The following COL22A1 variants were observed in gnomAD, a reference collection of about 807,000 sequenced individuals.
COL22A1 encodes collagen alpha-1(XXII) chain.
Under a neutral mutation model 248.9 loss-of-function variants are expected in COL22A1, and 221 were observed. The observed-to-expected ratio is 0.89, with a 90% CI of 0.80 to 0.99. The LOEUF is 0.99. COL22A1 is among the 50% of genes least tolerant of loss of function. COL22A1 has a pLI of 0.00. For synonymous variants in COL22A1, 891 were observed against 793.4 expected (o/e 1.12, Z -2.07); for missense variants, 2,240 against 2,179.0 (o/e 1.03, Z -0.56).
At chr8:138,700,811 A>T (rs534833855) in intron 31 of COL22A1, among the ~76,000 whole-genome samples, 14 of 152,028 alleles carry the variant, frequency 9.2e-5, no homozygotes, top group Non-Finnish European at 2.1e-4. Flanking sequence ...GGTGAAACCC[A>T]GTCTCTACTA....
intron 12 of COL22A1, among the ~76,000 whole-genome samples, chr8:138,796,056 G>C (rs1816489246): frequency 6.6e-6 from 1 of 152,140 alleles, no homozygotes; most frequent in African/African-American, 2.4e-5. Flanking sequence ...GCCTCTCCAA[G>C]AAAACGATAA....
chr8:138,720,672 C>A, intron 27 of COL22A1, 67 bp downstream of exon 27: 1 of 1,302,080 alleles, frequency 7.7e-7, no homozygotes, highest in South Asian at 1.2e-5. Flanking sequence ...AGTCGAGATT[C>A]ACACACCACC....
chr8:138,691,965 C>G (rs56651414), intron 35 of COL22A1, among the ~76,000 whole-genome samples: 1 of 87,804 alleles, frequency 1.1e-5, no homozygotes, highest in Admixed American at 1.2e-4. Context: ...TGTGGAGGTG[C>G]ATGTGTGGAG....
At chr8:138,883,456 A>G (rs1288751410) in intron 1 of COL22A1, among the ~76,000 whole-genome samples, 1 of 152,150 alleles carries the variant, frequency 6.6e-6, no homozygotes, top group African/African-American at 2.4e-5. Context: ...CCCCCCAGCC[A>G]TCCAATTAGC....
At chr8:138,774,824 C>T (rs369711981) in intron 16 of COL22A1, among the ~76,000 whole-genome samples, 1 of 152,298 alleles carries the variant, frequency 6.6e-6, no homozygotes. Context: ...GCTGTGCAGT[C>T]ATTTAAAACA....
intron 41 of COL22A1, among the ~76,000 whole-genome samples, chr8:138,673,805 G>A (rs1440595648): frequency 6.6e-6 from 1 of 152,062 alleles, no homozygotes; most frequent in Non-Finnish European, 1.5e-5. Context: ...ACCTGCCCAG[G>A]GCTTTCTTTA....
At chr8:138,813,359 T>C (rs533062103) in intron 7 of COL22A1, among the ~76,000 whole-genome samples, 1 of 152,328 alleles carries the variant, frequency 6.6e-6, no homozygotes, top group South Asian at 2.1e-4. Flanking sequence ...TGGTAGTGAA[T>C]AAGTGTCACG....
chr8:138,691,968 G>GCGTGTGCATT (rs1827009692), intron 35 of COL22A1, among the ~76,000 whole-genome samples: 1 of 148,376 alleles, frequency 6.7e-6, no homozygotes, highest in African/African-American at 2.5e-5. Flanking sequence ...GGAGGTGCAT[G>GCGTGTGCATT]TGTGGAGGTG....
intron 3 of COL22A1, among the ~76,000 whole-genome samples, chr8:138,854,174 G>C (rs1821842676): frequency 6.6e-6 from 1 of 152,168 alleles, no homozygotes; most frequent in Non-Finnish European, 1.5e-5. Context: ...TGGGATGCTT[G>C]TGTTCTGTTG....
At chr8:138,720,036 A>G (rs1829750890) in intron 27 of COL22A1, among the ~76,000 whole-genome samples, 1 of 152,168 alleles carries the variant, frequency 6.6e-6, no homozygotes, top group Non-Finnish European at 1.5e-5. Flanking sequence ...GGCCCAGCAG[A>G]AAAGCCTCAC....
chr8:138,602,285 A>T, intron 59 of COL22A1, 126 bp from the exon 60 acceptor site: 834 of 754,918 alleles, frequency 1.1e-3, no homozygotes, highest in Non-Finnish European at 1.3e-3. Flanking sequence ...AGGTCCCCCG[A>T]GGGCTCCTTT....
At chr8:138,707,447 T>C (rs1018785774) in intron 30 of COL22A1, among the ~76,000 whole-genome samples, 30 of 152,312 alleles carry the variant, frequency 2.0e-4, no homozygotes, top group African/African-American at 7.0e-4. Flanking sequence ...CATGATCAAA[T>C]TGGCTTCATC....
chr8:138,864,628 C>T (rs1305303267), intron 3 of COL22A1, among the ~76,000 whole-genome samples: 1 of 152,216 alleles, frequency 6.6e-6, no homozygotes, highest in Non-Finnish European at 1.5e-5. Flanking sequence ...ACACTAAGTA[C>T]GTAAGCTTCC....
chr8:138,597,512 A>G (rs1239786756), intron 61 of COL22A1, among the ~76,000 whole-genome samples: 1 of 152,138 alleles, frequency 6.6e-6, no homozygotes, highest in Non-Finnish European at 1.5e-5. Context: ...TGGTCCACAG[A>G]AGCTGATGAG....
At chr8:138,639,266 T>C (rs373396460) in intron 47 of COL22A1, among the ~76,000 whole-genome samples, 1 of 152,224 alleles carries the variant, frequency 6.6e-6, no homozygotes, top group African/African-American at 2.4e-5. Context: ...GTCTGGAATC[T>C]AATCCAGATC....
intron 1 of COL22A1, among the ~76,000 whole-genome samples, chr8:138,912,613 G>A (rs903890591): frequency 1.3e-5 from 2 of 152,198 alleles, no homozygotes; most frequent in Non-Finnish European, 2.9e-5. Flanking sequence ...GGTAGCTCAT[G>A]CCTGTAATCC....
intron 16 of COL22A1, among the ~76,000 whole-genome samples, chr8:138,763,896 G>C (rs953260997): frequency 6.6e-6 from 1 of 151,820 alleles, no homozygotes; most frequent in Non-Finnish European, 1.5e-5. Flanking sequence ...CCCTGTACAC[G>C]CACCTCCCCA....
At chr8:138,723,128 C>T (rs1025288117) in intron 25 of COL22A1, among the ~76,000 whole-genome samples, 3 of 151,828 alleles carry the variant, frequency 2.0e-5, no homozygotes, top group Non-Finnish European at 4.4e-5. Flanking sequence ...GAAATCATTT[C>T]CCCCAGCGGA....
At chr8:138,633,617 C>T (rs937271237) in intron 49 of COL22A1, among the ~76,000 whole-genome samples, 2 of 152,206 alleles carry the variant, frequency 1.3e-5, no homozygotes, top group African/African-American at 4.8e-5. Flanking sequence ...CGTGAATAAA[C>T]TATTTTTTAA....
Sources: gnomAD v4.1 joint callset for allele counts (sites outside exome capture counted in the v4.1 genomes callset) on GRCh38, gnomAD v4.1.1 for gene constraint, MANE v1.5 for transcripts, NCBI Gene and HGNC (gene_info 2026-07-23, HGNC 2026-07-21) for gene names.